Variants in IMMP2L observed in about 807,000 individuals in gnomAD.
The protein encoded by IMMP2L is inner mitochondrial membrane peptidase subunit 2.
A neutral mutation model predicts 19.3 loss-of-function variants in IMMP2L; 18 were observed. The observed-to-expected ratio is 0.93, with a 90% CI of 0.64 to 1.38. The LOEUF (loss-of-function observed/expected upper bound fraction) is 1.38, where lower values mean the gene tolerates loss of function less well. Ranked by LOEUF, IMMP2L falls within the 40% of genes most tolerant of loss-of-function variation. The pLI, the probability that IMMP2L is intolerant of heterozygous loss-of-function variation, is 0.00. For missense variants in IMMP2L, 233 were observed against 218.2 expected (o/e 1.07, Z -0.43); for synonymous variants, 76 against 73.0 (o/e 1.04, Z -0.21).
chr7:111,346,635 CAGAA>C (rs1827596970), intron 3 of IMMP2L, among the ~76,000 whole-genome samples: 1 of 152,002 alleles, frequency 6.6e-6, no homozygotes, highest in African/African-American at 2.4e-5. Flanking sequence ...GACAGATAAA[CAGAA>C]AGCCACACTA....
rs1310957628 is a variant in IMMP2L, at chr7:111,213,523, T to C, written c.240-249958A>G. ...CCTCCAGGGGCCAGGCTGCTGGTCG[T>C]GCAAACCAGAATGGGAACTTGTGGT... On this transcript the variant is annotated intron_variant, in intron 3 of 5. Coordinates refer to ENST00000405709, the MANE Select transcript of IMMP2L (RefSeq NM_032549.4). This position sits in a 1 kb window ranked among gnomAD's most constrained non-coding sequence, Gnocchi z 4.8. Among the ~76,000 whole-genome samples the C allele has an allele frequency of 6.6e-6, 1 of 152,118 alleles. No homozygotes were observed. Among genetic ancestry groups the C allele is most frequent in the Non-Finnish European group, 1.5e-5 (1 of 68,022 alleles).
chr7:111,419,207 A>T (rs1460406034), intron 3 of IMMP2L, among the ~76,000 whole-genome samples: 1 of 151,822 alleles, frequency 6.6e-6, no homozygotes, highest in Non-Finnish European at 1.5e-5. Flanking sequence ...AGACTAAAAA[A>T]TTTTGAATTA....
intron 5 of IMMP2L, among the ~76,000 whole-genome samples, chr7:110,705,382 A>G (rs934215376): frequency 3.3e-5 from 5 of 152,144 alleles, no homozygotes; most frequent in Admixed American, 3.3e-4. Context: ...CACTTTCCTT[A>G]TTTACTATGA....
chr7:111,266,506 G>A (rs1283357824), intron 3 of IMMP2L, among the ~76,000 whole-genome samples: 2 of 145,486 alleles, frequency 1.4e-5, no homozygotes, highest in Non-Finnish European at 3.0e-5. Flanking sequence ...TCGCACTATT[G>A]CACTCCAGCC....
At chr7:111,141,889 A>G (rs1189428216) in intron 3 of IMMP2L, among the ~76,000 whole-genome samples, 1 of 152,118 alleles carries the variant, frequency 6.6e-6, no homozygotes, top group Non-Finnish European at 1.5e-5. Context: ...GTTTTTGTAG[A>G]GACAGGGTCT....
intron 5 of IMMP2L, among the ~76,000 whole-genome samples, chr7:110,756,483 G>C (rs1798049273): frequency 6.6e-6 from 1 of 152,054 alleles, no homozygotes; most frequent in African/African-American, 2.4e-5. Context: ...TAGTGTTTGT[G>C]CCTCAGCTGC....
chr7:111,486,275 A>G (rs1185922139), intron 3 of IMMP2L, among the ~76,000 whole-genome samples: 7 of 152,224 alleles, frequency 4.6e-5, no homozygotes, highest in Non-Finnish European at 8.8e-5. Context: ...CATTTATAGA[A>G]TATCTATTTC....
In IMMP2L at chr7:110,924,209, G is replaced by A. The variant is rs1037947865; in HGVS notation, c.306-37514C>T. ...CCAGGTTTGGGCCTATAAGAACATAGACAGCACTGTTTCTCCCCAGTGTGT... is the reference window on the plus strand; with the variant it reads ...CCAGGTTTGGGCCTATAAGAACATAAACAGCACTGTTTCTCCCCAGTGTGT... On this transcript the variant is annotated intron_variant, in intron 4 of 5. Transcript: ENST00000405709. The surrounding 1 kb of genome is among the most constrained non-coding windows in gnomAD (Gnocchi z 4.2). 3.3e-5 allele frequency among the ~76,000 whole-genome samples: 5 copies of A among 152,164 alleles called. No homozygotes were observed. Among genetic ancestry groups the A allele is most frequent in the Non-Finnish European group, 5.9e-5 (4 of 68,034 alleles).
chr7:111,479,577 A>C (rs1250831530), intron 3 of IMMP2L, among the ~76,000 whole-genome samples: 1 of 152,070 alleles, frequency 6.6e-6, no homozygotes, highest in African/African-American at 2.4e-5. Flanking sequence ...ATCCTAATTA[A>C]TTTTGTTGTA....
chr7:111,170,166 A>G (rs146617981), intron 3 of IMMP2L, among the ~76,000 whole-genome samples: 1 of 151,988 alleles, frequency 6.6e-6, no homozygotes, highest in Admixed American at 6.6e-5. Flanking sequence ...AAAAAACCCA[A>G]TATTAAAAAT....
intron 3 of IMMP2L, among the ~76,000 whole-genome samples, chr7:111,102,149 G>C (rs1037204284): frequency 6.6e-6 from 1 of 151,266 alleles, no homozygotes; most frequent in Non-Finnish European, 1.5e-5. Flanking sequence ...CAGATTTTAG[G>C]TCACTTGTTC....
chr7:110,704,346 T>C (rs1405015280), intron 5 of IMMP2L, among the ~76,000 whole-genome samples: 1 of 152,202 alleles, frequency 6.6e-6, no homozygotes, highest in Non-Finnish European at 1.5e-5. Context: ...TATCACTCCT[T>C]CCTAACATTT....
chr7:110,819,106 T>C (rs1802802539), intron 5 of IMMP2L, among the ~76,000 whole-genome samples: 1 of 118,670 alleles, frequency 8.4e-6, no homozygotes, highest in Non-Finnish European at 2.0e-5. Flanking sequence ...ACTTAAAGTA[T>C]AATAATAACA....
At chr7:110,819,056 A>AT (rs1251513321) in intron 5 of IMMP2L, among the ~76,000 whole-genome samples, 1 of 151,836 alleles carries the variant, frequency 6.6e-6, no homozygotes, top group Non-Finnish European at 1.5e-5. Context: ...ACATGTATAC[A>AT]TATGTAACAA....
chr7:111,306,987 G>T (rs723019), intron 3 of IMMP2L, among the ~76,000 whole-genome samples: 146,473 of 148,210 alleles, frequency 0.99, 72,383 homozygotes, highest in East Asian at 1. Context: ...ATTCTATATA[G>T]ATATATATTA....
intron 3 of IMMP2L, among the ~76,000 whole-genome samples, chr7:111,383,797 C>G (rs1394505958): frequency 6.6e-6 from 1 of 152,036 alleles, no homozygotes; most frequent in Non-Finnish European, 1.5e-5. Flanking sequence ...TTTTCTCACT[C>G]TGCCCCTCCT....
At position 110,949,495 on chromosome 7, in the gene IMMP2L, AAGT is replaced by A. The variant is rs1197478305; in HGVS notation, c.305+14002_305+14004del. Among the ~76,000 whole-genome samples the A allele has an allele frequency of 2.0e-5, 3 of 152,202 alleles. No homozygotes were observed. In the East Asian group the frequency reaches 5.8e-4, roughly 29 times the overall value. On this transcript the variant is annotated intron_variant, in intron 4 of 5. Transcript: ENST00000405709. ...ACTGATTTCCAAGTTAAGGAAATGAAAGTAGATAATATAGCCCACAGGTCAGCA... is the reference window on the plus strand; with the variant it reads ...ACTGATTTCCAAGTTAAGGAAATGAAAGATAATATAGCCCACAGGTCAGCA...
intron 2 of IMMP2L, among the ~76,000 whole-genome samples, chr7:111,520,797 C>A (rs1342284859): frequency 1.3e-5 from 2 of 152,108 alleles, no homozygotes; most frequent in Non-Finnish European, 2.9e-5. Context: ...TTTTGGAAAT[C>A]TCCACTCCAA....
Position 111,270,057 on chromosome 7 carries a change from C to CTGTGTG in IMMP2L, c.239+217175_239+217180dup, listed in dbSNP as rs58848663. On this transcript the variant is annotated intron_variant, in intron 3 of 5. Transcript: ENST00000405709. ...TTTGTGTGTGTGCATGCATGTGTGT[C>CTGTGTG]TGTGTGTGTGTGTGTGTGTGTGTGT... Among the ~76,000 whole-genome samples, 830 of 140,610 alleles carry CTGTGTG rather than the reference C, an allele frequency of 5.9e-3. 5 individuals carry two copies. The highest frequency in any genetic ancestry group is 0.014 in the Middle Eastern group (4 of 278). 92.2% of individuals were successfully genotyped at this position (140,610 alleles called of 152,430 possible).
Sources: allele counts gnomAD v4.1 joint callset (sites outside exome capture counted in the v4.1 genomes callset), GRCh38; gene constraint gnomAD v4.1.1; non-coding constraint Gnocchi (gnomAD v3.1); transcripts MANE v1.5; gene names NCBI Gene and HGNC (gene_info 2026-07-23, HGNC 2026-07-21).